GDAP2: variants seen among roughly 807,000 people sequenced by gnomAD.
GDAP2 encodes ganglioside-induced differentiation-associated protein 2.
GDAP2 carries 51 observed loss-of-function variants against 67.0 expected under a neutral mutation model. That is an observed-to-expected ratio of 0.76 (90% CI 0.61 to 0.96). The LOEUF (loss-of-function observed/expected upper bound fraction) is 0.96, where lower values mean the gene tolerates loss of function less well. Among genes scored for constraint, GDAP2 ranks in the 40% least tolerant of loss-of-function variants. The probability of loss-of-function intolerance (pLI) is 0.00; values close to 1 mark genes in which losing one functional copy is unlikely to be tolerated. For synonymous variants in GDAP2, 203 were observed against 207.3 expected, an observed-to-expected ratio of 0.98 and a Z score of 0.18; for missense variants, 547 against 588.3, an observed-to-expected ratio of 0.93 and a Z score of 0.73.
chr1:117,911,220 A>G (rs910507353), intron 5 of GDAP2, among the ~76,000 whole-genome samples: 2 of 152,220 alleles, frequency 1.3e-5, no homozygotes, highest in Non-Finnish European at 2.9e-5. Flanking sequence ...CTGCATATAT[A>G]CAGTGAGATC....
At chr1:117,902,236 G>A (rs1649496465) in intron 6 of GDAP2, among the ~76,000 whole-genome samples, 1 of 152,086 alleles carries the variant, frequency 6.6e-6, no homozygotes, top group Non-Finnish European at 1.5e-5. Flanking sequence ...TAAAACCTAG[G>A]CATGAAACAT....
intron 13 of GDAP2, chr1:117,877,363 A>C (rs1459012431): frequency 1.0e-6 from 1 of 984,140 alleles, no homozygotes; most frequent in South Asian, 4.7e-5. Context: ...ACAGTTAAAC[A>C]ATCAGCTTGA....
intron 1 of GDAP2, among the ~76,000 whole-genome samples, chr1:117,922,417 G>GT (rs1480519042): frequency 6.6e-6 from 1 of 152,208 alleles, no homozygotes; most frequent in Admixed American, 6.5e-5. Context: ...TACTTGAGAA[G>GT]TATCAGTTAA....
rs550538669 is a variant in GDAP2, at chr1:117,873,573, G to A, written c.1447-2957C>T. ...TTAATTCTTCCTAACAAAGGAAAAT[G>A]TTTCCTTACAAGGTAACATGCAGCT... On this transcript the variant is annotated intron_variant, in intron 13 of 13. Transcript: ENST00000369443. Among the ~76,000 whole-genome samples the A allele has an allele frequency of 5.9e-5, 9 of 152,224 alleles. No individual in the cohort carries two copies. In the South Asian group the frequency reaches 1.7e-3, roughly 28 times the overall value.
rs765915543 is a variant in GDAP2 at position 117,912,587 on chromosome 1, C to T, written c.413G>A (p.Arg138His). ...ATAAAGGGAACTCTCAGCTGCTGTG[C>T]GATAGCGGCTTTTATATTTAGGTCC... ...TVGPKYKSRYRTAAESSLYSC... is the reference protein window; with the variant it reads ...TVGPKYKSRYHTAAESSLYSC... Residue 138 changes from arginine (R) to histidine (H), a missense_variant, in exon 4 of 14, where the codon CGC (arginine) becomes CAC (histidine). Physicochemically the swap from Arg to His is conservative, Grantham distance 29. Coordinates refer to ENST00000369443, the MANE Select transcript of GDAP2 (RefSeq NM_017686.4). 1.1e-5 allele frequency: 17 copies of T among 1,612,754 alleles called. No individual in the cohort carries two copies. The highest frequency in any genetic ancestry group is 1.6e-4 in the Middle Eastern group (1 of 6,078).
chr1:117,894,321 G>A (rs1649194307), intron 8 of GDAP2, among the ~76,000 whole-genome samples: 1 of 151,992 alleles, frequency 6.6e-6, no homozygotes, highest in Non-Finnish European at 1.5e-5. Context: ...ATCCTGAAAT[G>A]CCTTTAGGAG....
intron 10 of GDAP2, 109 bp downstream of exon 10, chr1:117,886,468 G>T: frequency 1.5e-6 from 1 of 679,768 alleles, no homozygotes; most frequent in Non-Finnish European, 2.7e-6. Context: ...CTCTGTCAGT[G>T]ATACACAATT....
intron 5 of GDAP2, among the ~76,000 whole-genome samples, chr1:117,909,696 T>A (rs963625259): frequency 6.6e-6 from 1 of 152,206 alleles, no homozygotes; most frequent in Admixed American, 6.5e-5. Flanking sequence ...AGCTGTACAT[T>A]TCCTTTTTGC....
chr1:117,877,485 G>C, intron 13 of GDAP2: 1 of 972,910 alleles, frequency 1.0e-6, no homozygotes, highest in Non-Finnish European at 1.2e-6. Context: ...CCTGTGACTA[G>C]TGCTTATGTA....
At chr1:117,927,480 T>C (rs951504202) in intron 1 of GDAP2, among the ~76,000 whole-genome samples, 1 of 152,220 alleles carries the variant, frequency 6.6e-6, no homozygotes, top group Non-Finnish European at 1.5e-5. Context: ...CAGACCAGCC[T>C]GGATAACAAC....
intron 8 of GDAP2, among the ~76,000 whole-genome samples, chr1:117,892,581 GATAA>G (rs1196743775): frequency 9.9e-5 from 15 of 151,928 alleles, no homozygotes; most frequent in African/African-American, 3.4e-4. Context: ...AATAATCATG[GATAA>G]ATAATCGTAC....
chr1:117,918,766 TG>T, intron 2 of GDAP2, 30 bp from the exon 3 acceptor site: 2 of 1,554,626 alleles, frequency 1.3e-6, no homozygotes, highest in Non-Finnish European at 1.8e-6. Flanking sequence ...TGAACAAGTG[TG>T]GGGAAAAAGA....
At chr1:117,904,988 CA>C (rs759265272) in intron 6 of GDAP2, among the ~76,000 whole-genome samples, 2 of 152,176 alleles carry the variant, frequency 1.3e-5, no homozygotes, top group Non-Finnish European at 2.9e-5. Context: ...TCACTCAAGC[CA>C]AAAACCTAGA....
At chr1:117,902,813 G>C (rs1306132260) in intron 6 of GDAP2, among the ~76,000 whole-genome samples, 3 of 152,162 alleles carry the variant, frequency 2.0e-5, no homozygotes, top group African/African-American at 7.2e-5. Context: ...TTGGGATTTT[G>C]ATAGGAATTA....
At chr1:117,922,842 T>C (rs1650305672) in intron 1 of GDAP2, among the ~76,000 whole-genome samples, 1 of 152,218 alleles carries the variant, frequency 6.6e-6, no homozygotes, top group Admixed American at 6.5e-5. Flanking sequence ...CTGACTAGAA[T>C]TCGCCAGGCT....
At chr1:117,918,806 C>T in intron 2 of GDAP2, 70 bp from the exon 3 acceptor site, 1 of 1,227,278 alleles carries the variant, frequency 8.1e-7, no homozygotes, top group Non-Finnish European at 1.2e-6. Flanking sequence ...CTAATTATTT[C>T]AAAACATTTT....
At chr1:117,927,164 T>C (rs1306572705) in intron 1 of GDAP2, among the ~76,000 whole-genome samples, 1 of 152,018 alleles carries the variant, frequency 6.6e-6, no homozygotes, top group Non-Finnish European at 1.5e-5. Flanking sequence ...ACCCACTATG[T>C]ATCTTTTATA....
At chr1:117,905,044 A>C (rs74113085) in intron 6 of GDAP2, among the ~76,000 whole-genome samples, 3,709 of 152,266 alleles carry the variant, frequency 0.024, 151 homozygotes, top group African/African-American at 0.083. Flanking sequence ...ATCAACCACC[A>C]ACTCCAGTTG....
At position 117,866,136 on chromosome 1, in the gene GDAP2, C is replaced by G. The variant is rs1648052583; in HGVS notation, c.*4433G>C. On this transcript the variant is annotated 3_prime_UTR_variant, in exon 14 of 14. Coordinates refer to ENST00000369443, the MANE Select transcript of GDAP2 (RefSeq NM_017686.4). ...GCAAATTCATATGTTGAAGCCCTAA[C>G]ATACAAAGTGATGGCATTTGGAGGT... 1 of 152,196 alleles carries G rather than the reference C, an allele frequency of 6.6e-6. No homozygotes were observed. Among genetic ancestry groups the G allele is most frequent in the South Asian group, 2.1e-4 (1 of 4,828 alleles). 9.4% of individuals were successfully genotyped at this position (152,196 alleles called of 1,614,324 possible).
Sources: allele counts gnomAD v4.1 joint callset (sites outside exome capture counted in the v4.1 genomes callset), GRCh38; gene constraint gnomAD v4.1.1; transcripts MANE v1.5; gene names NCBI Gene and HGNC (gene_info 2026-07-23, HGNC 2026-07-21).